CADPS: variants seen among roughly 807,000 people sequenced by gnomAD.
CADPS encodes calcium-dependent secretion activator 1.
In CADPS, 57 loss-of-function variants were observed where a neutral mutation model predicts 167.3. The ratio of observed to expected loss-of-function variants is 0.34; its 90% CI spans 0.28 to 0.42. The LOEUF is 0.42. Among genes scored for constraint, CADPS ranks in the 20% least tolerant of loss-of-function variants. The pLI, the probability that CADPS is intolerant of heterozygous loss-of-function variation, is 1.00. For synonymous variants in CADPS, 676 were observed against 635.3 expected (o/e 1.06, Z -0.96); for missense variants, 1,414 against 1,738.1 (o/e 0.81, Z 3.32).
At chr3:62,803,947 C>T (rs2093932773) in intron 1 of CADPS, among the ~76,000 whole-genome samples, 1 of 152,004 alleles carries the variant, frequency 6.6e-6, no homozygotes, top group Admixed American at 6.6e-5. Context: ...TTCCTAGGTA[C>T]CCTTTCCCAC....
intron 3 of CADPS, among the ~76,000 whole-genome samples, chr3:62,731,805 C>CAAAAAAAAAAAAAAAGAAAAAAAAAAAAA (rs2077900617): frequency 3.7e-5 from 1 of 27,136 alleles, no homozygotes; most frequent in African/African-American, 1.6e-4. Context: ...TGATCATATG[C>CAAAAAAAAAAAAAAAGAAAAAAAAAAAAA]AAAAAAAAAA....
At chr3:62,515,957 G>A in intron 16 of CADPS, 102 bp downstream of exon 16, 1 of 1,422,440 alleles carries the variant, frequency 7.0e-7, no homozygotes, top group Non-Finnish European at 9.7e-7. Flanking sequence ...AATATACTCA[G>A]ACGGACCACT....
At chr3:62,800,442 C>T (rs1011691199) in intron 1 of CADPS, among the ~76,000 whole-genome samples, 10 of 152,054 alleles carry the variant, frequency 6.6e-5, no homozygotes, top group Admixed American at 6.6e-4. Context: ...TATATACAGA[C>T]TATGACTAAT....
At chr3:62,604,075 C>A (rs2060354592) in intron 6 of CADPS, among the ~76,000 whole-genome samples, 1 of 152,028 alleles carries the variant, frequency 6.6e-6, no homozygotes, top group Non-Finnish European at 1.5e-5. Context: ...CGTGATCAGC[C>A]CGCCTCAGCC....
At chr3:62,638,118 T>C (rs1236205371) in intron 6 of CADPS, among the ~76,000 whole-genome samples, 2 of 149,032 alleles carry the variant, frequency 1.3e-5, no homozygotes, top group African/African-American at 5.0e-5. Context: ...GCAATTAATT[T>C]TCATAAGAAT....
rs772423610 is a variant in CADPS, at chr3:62,662,334, T to C, written c.949A>G (p.Met317Val). The C allele has an allele frequency of 2.4e-5, 38 of 1,613,778 alleles. No individual in the cohort carries two copies. Among genetic ancestry groups the C allele is most frequent in the Admixed American group, 3.3e-5 (2 of 59,992 alleles). ...CTTACCCTGGCTATTTGGTCTGCCA[T>C]TTGTAGACGTCCATCCAGCTCTCGT... Reference protein sequence around the residue: ...IRRELDGRLQMADQIARERKF... With the variant: ...IRRELDGRLQVADQIARERKF... The change falls in exon 4 of 30, where the codon ATG becomes GTG. Residue 317 changes from methionine to valine, a missense_variant. Met to Val is a conservative substitution (Grantham distance 21). Coordinates refer to ENST00000383710, the MANE Select transcript of CADPS (RefSeq NM_003716.4).
intron 1 of CADPS, among the ~76,000 whole-genome samples, chr3:62,842,777 C>A (rs570360687): frequency 3.3e-5 from 5 of 152,296 alleles, no homozygotes; most frequent in Admixed American, 3.3e-4. Flanking sequence ...TTAGAATGCA[C>A]TGCCCCTATC....
At chr3:62,536,424 T>G (rs758026065) in intron 12 of CADPS, 21 bp downstream of exon 12, 9 of 1,605,328 alleles carry the variant, frequency 5.6e-6, no homozygotes, top group Non-Finnish European at 7.7e-6. Flanking sequence ...TAAATTGCTG[T>G]AGACCAAAGA....
At chr3:62,546,831 G>A (rs1191080593) in intron 11 of CADPS, among the ~76,000 whole-genome samples, 1 of 152,120 alleles carries the variant, frequency 6.6e-6, no homozygotes, top group African/African-American at 2.4e-5. Flanking sequence ...TTTTATAAAG[G>A]GGATTTGAAA....
chr3:62,697,665 C>G (rs1210563690), intron 3 of CADPS, among the ~76,000 whole-genome samples: 1 of 152,028 alleles, frequency 6.6e-6, no homozygotes, highest in Non-Finnish European at 1.5e-5. Flanking sequence ...ACTTTTAGTT[C>G]TTTAAGGAAT....
At position 62,638,192 on chromosome 3, in the gene CADPS, G is replaced by A. The variant is rs539712913; in HGVS notation, c.1325+7530C>T. Among the ~76,000 whole-genome samples, 48 of 152,038 alleles carry A rather than the reference G, an allele frequency of 3.2e-4. No individual in the cohort carries two copies. The Middle Eastern group carries it at 0.02, about 65-fold the overall frequency. On this transcript the variant is annotated intron_variant, in intron 6 of 29. Transcript: ENST00000383710. ...CTCACACAGCGGAAATAGGAACGCA[G>A]TGCTCTGGCTCTCAATTTTGTACTC... is the stretch of plus-strand genomic sequence containing the variant.
chr3:62,478,026 A>G lies in CADPS; in HGVS notation c.3329+235T>C. ...AATGGACAGGGATCTTTTCCTCTTAAAGCCAACAACCATGAAAAAATTGGC... is the reference window on the plus strand; with the variant it reads ...AATGGACAGGGATCTTTTCCTCTTAGAGCCAACAACCATGAAAAAATTGGC... On this transcript the variant is annotated intron_variant, in intron 23 of 29. Transcript: ENST00000383710. This position sits in a 1 kb window ranked among gnomAD's most constrained non-coding sequence, Gnocchi z 5.7. 1 of 491,704 alleles carries G rather than the reference A, an allele frequency of 2.0e-6. No homozygotes were observed. The highest frequency in any genetic ancestry group is 3.6e-6 in the Non-Finnish European group (1 of 274,148). The allele number at this position is 491,704 out of a possible 1,614,324, so 30.5% of individuals were successfully genotyped here.
chr3:62,798,499 C>T (rs1485559010), intron 1 of CADPS, among the ~76,000 whole-genome samples: 1 of 152,138 alleles, frequency 6.6e-6, no homozygotes, highest in Non-Finnish European at 1.5e-5. Context: ...GGCTTCCTTT[C>T]TCCTCAGCTT....
chr3:62,633,593 C>T (rs1217648538), intron 6 of CADPS, among the ~76,000 whole-genome samples: 2 of 152,106 alleles, frequency 1.3e-5, no homozygotes, highest in Admixed American at 6.5e-5. Flanking sequence ...TTACCATGCT[C>T]TTTACATAAC....
At chr3:62,570,780 G>C in intron 9 of CADPS, 92 bp downstream of exon 9, 1 of 843,088 alleles carries the variant, frequency 1.2e-6, no homozygotes, top group Non-Finnish European at 2.0e-6. Flanking sequence ...CATGAGCTCT[G>C]TGTATTTAAG....
In CADPS at chr3:62,465,302, T is replaced by C; in HGVS notation, c.3636+65A>G. On this transcript the variant is annotated intron_variant, in intron 26 of 29. Transcript: ENST00000383710. The surrounding 1 kb of genome is among the most constrained non-coding windows in gnomAD (Gnocchi z 4.1). ...CCAAAACAAAATGACACAACATAACTCCTCTCCCAAGCCGAAACCAAAAAT... is the reference window on the plus strand; with the variant it reads ...CCAAAACAAAATGACACAACATAACCCCTCTCCCAAGCCGAAACCAAAAAT... The C allele has an allele frequency of 1.7e-6, 2 of 1,149,294 alleles. No homozygotes were observed. The highest frequency in any genetic ancestry group is 2.5e-6 in the Non-Finnish European group (2 of 785,206). 71.2% of individuals were successfully genotyped at this position (1,149,294 alleles called of 1,614,324 possible).
chr3:62,434,333 C>T (rs947498196), intron 28 of CADPS, among the ~76,000 whole-genome samples: 4 of 152,004 alleles, frequency 2.6e-5, no homozygotes, highest in East Asian at 1.9e-4. Context: ...AACAGTTTGC[C>T]GATTCTTTTC....
intron 21 of CADPS, 100 bp from the exon 22 acceptor site, chr3:62,481,969 G>T: frequency 8.3e-7 from 1 of 1,202,396 alleles, no homozygotes; most frequent in Non-Finnish European, 1.2e-6. Context: ...CAAGTCCACA[G>T]CAAGACAACA....
At chr3:62,846,329 T>C (rs1352064195) in intron 1 of CADPS, among the ~76,000 whole-genome samples, 1 of 152,228 alleles carries the variant, frequency 6.6e-6, no homozygotes, top group African/African-American at 2.4e-5. Context: ...CAACGTGTTG[T>C]GCTTCCATGT....
Sources: gnomAD v4.1 joint callset for allele counts (sites outside exome capture counted in the v4.1 genomes callset) on GRCh38, gnomAD v4.1.1 for gene constraint, Gnocchi (gnomAD v3.1) non-coding constraint, MANE v1.5 for transcripts, NCBI Gene and HGNC (gene_info 2026-07-23, HGNC 2026-07-21) for gene names.